Variants in ADAMTS16 observed in about 807,000 individuals in gnomAD.
ADAMTS16 encodes the protein ADAM metallopeptidase with thrombospondin type 1 motif 16.
Under a neutral mutation model 145.8 loss-of-function variants are expected in ADAMTS16, and 94 were observed. That is an observed-to-expected ratio of 0.64 (90% CI 0.55 to 0.77). ADAMTS16 has a LOEUF of 0.77. Ranked by LOEUF, ADAMTS16 falls within the 30% of genes least tolerant of loss-of-function variation. The pLI is 0.00. For missense variants in ADAMTS16, 1,585 were observed against 1,591.5 expected (o/e 1.00, Z 0.07); for synonymous variants, 659 against 604.3 (o/e 1.09, Z -1.33).
At position 5,276,888 on chromosome 5, in the gene ADAMTS16, T is replaced by A. The variant is rs543485153; in HGVS notation, c.2789+14105T>A. Among the ~76,000 whole-genome samples, 5 of 142,832 alleles carry A rather than the reference T, an allele frequency of 3.5e-5. No homozygotes were observed. The East Asian group carries it at 6.0e-4, about 17-fold the overall frequency. 93.7% of individuals were successfully genotyped at this position (142,832 alleles called of 152,430 possible). A position where few individuals can be genotyped will look rare whatever the true frequency, so the allele number is the denominator to read the frequency against. ...AAATGAAGGAAAATGAAAAAAAAAATCTTCATTAACCCTGTGTTTATTAAG... is the reference window on the plus strand; with the variant it reads ...AAATGAAGGAAAATGAAAAAAAAAAACTTCATTAACCCTGTGTTTATTAAG... On this transcript the variant is annotated intron_variant, in intron 18 of 22. Coordinates refer to ENST00000274181, the MANE Select transcript of ADAMTS16 (RefSeq NM_139056.4).
chr5:5,187,662 C>T (rs577270970), intron 5 of ADAMTS16, 63 bp from the exon 6 acceptor site: 6 of 1,085,224 alleles, frequency 5.5e-6, no homozygotes, highest in East Asian at 2.4e-5. Flanking sequence ...ATTCTAGGCC[C>T]GCTAGTAAGT....
At chr5:5,305,931 C>T (rs1740133369) in intron 20 of ADAMTS16, among the ~76,000 whole-genome samples, 1 of 152,238 alleles carries the variant, frequency 6.6e-6, no homozygotes, top group Admixed American at 6.5e-5. Context: ...TGCTCGTTTG[C>T]ACAGGGCACC....
chr5:5,295,135 C>A (rs1739481206), intron 18 of ADAMTS16, among the ~76,000 whole-genome samples: 1 of 152,200 alleles, frequency 6.6e-6, no homozygotes, highest in Non-Finnish European at 1.5e-5. Context: ...ATGGAAGGAT[C>A]TAAGTGGATT....
At chr5:5,252,034 A>G (rs544065836) in intron 17 of ADAMTS16, among the ~76,000 whole-genome samples, 3 of 152,240 alleles carry the variant, frequency 2.0e-5, no homozygotes, top group Admixed American at 1.3e-4. Context: ...TATTTTTAGT[A>G]GAGACGGGGT....
chr5:5,301,374 C>T (rs1739763074), intron 18 of ADAMTS16, among the ~76,000 whole-genome samples: 1 of 152,242 alleles, frequency 6.6e-6, no homozygotes, highest in Non-Finnish European at 1.5e-5. Context: ...TGAGCTACCA[C>T]ACCCAGCCTA....
In ADAMTS16 at chr5:5,140,683, G is replaced by C. The variant is rs187481786; in HGVS notation, c.92G>C (p.Gly31Ala). 3.2e-6 allele frequency: 5 copies of C among 1,560,086 alleles called. No individual in the cohort carries two copies. Among genetic ancestry groups the C allele is most frequent in the Middle Eastern group, 3.8e-4 (2 of 5,312 alleles). The change falls in exon 2 of 23, where the codon GGA (glycine) becomes GCA (alanine). Residue 31 changes from glycine (G) to alanine (A), a missense_variant. Physicochemically the swap from Gly to Ala is moderately conservative, Grantham distance 60. Around this residue, in one of 3 missense-constraint regions of ADAMTS16, gnomAD observed 453 missense variants for 412.1 expected, o/e 1.10. Transcript: ENST00000274181. ...CCGCAGGCACCTGCGTGCGCCATGG[G>C]ACCCGCAGCGGCAGCGCCTGGGAGC... ...VAEQAPACAMGPAAAAPGSPS... is the reference protein window; with the variant it reads ...VAEQAPACAMAPAAAAPGSPS...
chr5:5,248,171 A>G (rs1054542875), intron 17 of ADAMTS16, among the ~76,000 whole-genome samples: 3 of 152,130 alleles, frequency 2.0e-5, no homozygotes, highest in Non-Finnish European at 4.4e-5. Context: ...TTTTCTTTAT[A>G]AAAGGAGGAT....
chr5:5,280,842 A>C (rs1318947529), intron 18 of ADAMTS16, among the ~76,000 whole-genome samples: 1 of 152,198 alleles, frequency 6.6e-6, no homozygotes, highest in East Asian at 1.9e-4. Context: ...CTCTAGGGGA[A>C]CCTACTCATC....
At chr5:5,163,304 C>T (rs1327968826) in intron 3 of ADAMTS16, among the ~76,000 whole-genome samples, 1 of 152,192 alleles carries the variant, frequency 6.6e-6, no homozygotes, top group Non-Finnish European at 1.5e-5. Flanking sequence ...GCATAAATAA[C>T]TTCACTGCCT....
chr5:5,173,669 T>C lies in ADAMTS16; in HGVS notation c.502-8375T>C, dbSNP rs1167944102. ...TTTGTATTTTTAGTAGAGATGGGGT[T>C]TCACCATGTTAGCCAGGATGGTCTC... On this transcript the variant is annotated intron_variant, in intron 3 of 22. Coordinates refer to ENST00000274181, the MANE Select transcript of ADAMTS16 (RefSeq NM_139056.4). 2.0e-5 allele frequency among the ~76,000 whole-genome samples: 3 copies of C among 152,198 alleles called. No individual in the cohort carries two copies. The East Asian group carries it at 5.8e-4, about 29-fold the overall frequency.
chr5:5,256,337 G>C (rs774556194), intron 17 of ADAMTS16, among the ~76,000 whole-genome samples: 2 of 152,206 alleles, frequency 1.3e-5, no homozygotes, highest in Non-Finnish European at 2.9e-5. Flanking sequence ...TGCCTAAAAT[G>C]CTAGTAATGT....
intron 10 of ADAMTS16, among the ~76,000 whole-genome samples, chr5:5,217,861 G>C (rs1300843825): frequency 6.6e-6 from 1 of 152,196 alleles, no homozygotes; most frequent in Non-Finnish European, 1.5e-5. Context: ...TCTTCATCGT[G>C]TACCTATCAT....
chr5:5,145,837 C>T (rs149522355), intron 2 of ADAMTS16, among the ~76,000 whole-genome samples: 211 of 152,232 alleles, frequency 1.4e-3, no homozygotes, highest in African/African-American at 4.6e-3. Flanking sequence ...AGGAGCATGC[C>T]CCTGAGTGGC....
intron 21 of ADAMTS16, among the ~76,000 whole-genome samples, chr5:5,316,133 C>T (rs1287015928): frequency 1.3e-5 from 2 of 152,108 alleles, no homozygotes; most frequent in Non-Finnish European, 2.9e-5. Flanking sequence ...AGGTTCAGTC[C>T]CTGGTTGTTC....
intron 7 of ADAMTS16, among the ~76,000 whole-genome samples, chr5:5,191,241 A>C (rs1735655826): frequency 6.6e-6 from 1 of 152,214 alleles, no homozygotes; most frequent in Non-Finnish European, 1.5e-5. Context: ...TCGTTATGAC[A>C]GATGTGAATC....
At chr5:5,261,659 T>C (rs1465848329) in intron 17 of ADAMTS16, among the ~76,000 whole-genome samples, 1 of 152,160 alleles carries the variant, frequency 6.6e-6, no homozygotes, top group African/African-American at 2.4e-5. Flanking sequence ...CTAATTTTTG[T>C]ATTTTTAGTA....
At chr5:5,220,173 T>G (rs1221032131) in intron 10 of ADAMTS16, among the ~76,000 whole-genome samples, 5 of 149,618 alleles carry the variant, frequency 3.3e-5, no homozygotes, top group African/African-American at 1.2e-4. Flanking sequence ...TTTTTTTTTT[T>G]TTTTGAGATG....
chr5:5,283,482 C>T (rs539052601), intron 18 of ADAMTS16, among the ~76,000 whole-genome samples: 3 of 152,246 alleles, frequency 2.0e-5, no homozygotes, highest in Non-Finnish European at 2.9e-5. Flanking sequence ...ACCTCCCCCC[C>T]AGAAAGCCCA....
intron 3 of ADAMTS16, among the ~76,000 whole-genome samples, chr5:5,162,022 C>T (rs554663364): frequency 3.9e-4 from 60 of 152,304 alleles, no homozygotes; most frequent in African/African-American, 1.2e-3. Context: ...CCAAGGCATA[C>T]TTGTAATCTA....
Sources: allele counts gnomAD v4.1 joint callset (sites outside exome capture counted in the v4.1 genomes callset), GRCh38; gene constraint gnomAD v4.1.1; regional missense constraint gnomAD v4.1.1; transcripts MANE v1.5; gene names NCBI Gene and HGNC (gene_info 2026-07-23, HGNC 2026-07-21).